Variants in NAV3 observed in about 807,000 individuals in gnomAD.
The protein encoded by NAV3 is neuron navigator 3.
Under a neutral mutation model 244.7 loss-of-function variants are expected in NAV3, and 87 were observed. That is an observed-to-expected ratio of 0.36 (90% CI 0.30 to 0.42). The LOEUF (loss-of-function observed/expected upper bound fraction) is 0.42, where lower values mean the gene tolerates loss of function less well. Ranked by LOEUF, NAV3 falls within the 20% of genes least tolerant of loss-of-function variation. NAV3 has a pLI of 1.00. For synonymous variants in NAV3, 1,126 were observed against 1,042.2 expected, an observed-to-expected ratio of 1.08 and a Z score of -1.55; for missense variants, 2,663 against 2,893.3, an observed-to-expected ratio of 0.92 and a Z score of 1.83.
chr12:77,584,728 C>T (rs943059915), intron 2 of NAV3, among the ~76,000 whole-genome samples: 11 of 152,122 alleles, frequency 7.2e-5, no homozygotes, highest in Non-Finnish European at 1.0e-4. Context: ...GAAGTGATGG[C>T]ATACTTAGGA....
chr12:78,205,054 T>C lies in NAV3; in HGVS notation c.6954T>C (p.Asp2318=). The C allele has an allele frequency of 1.9e-6, 3 of 1,613,528 alleles. No homozygotes were observed. The highest frequency in any genetic ancestry group is 2.5e-6 in the Non-Finnish European group (3 of 1,179,756). The change falls in exon 39 of 40, where the codon GAT becomes GAC. Residue 2318 remains aspartate (D), a synonymous_variant. Coordinates refer to ENST00000397909, the MANE Select transcript of NAV3 (RefSeq NM_001024383.2). The stretch of plus-strand genomic sequence containing the variant: ...CCTTACTTCAGCTGCGACCAGAAGA[T>C]GTTGGGTATGAAAGCTGCACATCCA... ...SPALLQLRPE[D]VGYESCTSTK...
chr12:77,623,992 T>G (rs866860810), intron 2 of NAV3, among the ~76,000 whole-genome samples: 1 of 152,192 alleles, frequency 6.6e-6, no homozygotes, highest in African/African-American at 2.4e-5. Context: ...TTGTGTGTCA[T>G]GCACTGCTCT....
chr12:77,684,528 G>C (rs1874626522), intron 2 of NAV3, among the ~76,000 whole-genome samples: 1 of 151,706 alleles, frequency 6.6e-6, no homozygotes, highest in Non-Finnish European at 1.5e-5. Context: ...TTACTGTGTT[G>C]CCCAGGCAGT....
chr12:77,819,223 A>G lies in NAV3; in HGVS notation c.73-121096A>G, dbSNP rs958714399. Among the ~76,000 whole-genome samples the G allele has an allele frequency of 9.9e-5, 15 of 152,110 alleles. 1 individual carries two copies. Among genetic ancestry groups the G allele is most frequent in the African/African-American group, 3.6e-4 (15 of 41,528 alleles). On this transcript the variant is annotated intron_variant, in intron 2 of 8. Transcript: ENST00000550042. Reference sequence around the variant, plus strand: ...TTACTGGGAACGTTTTATGAGAACAATAGGAACTTTATAAGATTTTTCACG... The same window carrying G: ...TTACTGGGAACGTTTTATGAGAACAGTAGGAACTTTATAAGATTTTTCACG...
intron 9 of NAV3, chr12:78,037,473 C>G: frequency 3.3e-6 from 2 of 601,944 alleles, no homozygotes; most frequent in Non-Finnish European, 3.0e-6. Flanking sequence ...TGCCAAATAG[C>G]TTTCATGTTT....
At chr12:77,597,591 T>C (rs1331278681) in intron 2 of NAV3, among the ~76,000 whole-genome samples, 1 of 152,160 alleles carries the variant, frequency 6.6e-6, no homozygotes, top group Admixed American at 6.6e-5. Flanking sequence ...AATAGACTTT[T>C]ATTCAAAATT....
intron 3 of NAV3, among the ~76,000 whole-genome samples, chr12:77,960,168 A>C (rs1426542205): frequency 6.6e-6 from 1 of 152,034 alleles, no homozygotes; most frequent in East Asian, 1.9e-4. Flanking sequence ...GGAGAGGCTT[A>C]GGATGCCATA....
rs560550527 is a variant in NAV3 at position 77,640,254 on chromosome 12, A to G, written c.72+67988A>G. ...AGACATACAGCAGAGAGAGAGAGGG[A>G]GAGAGAGAGTGTGTGTAAGTTGTGG... On this transcript the variant is annotated intron_variant, in intron 2 of 8. Transcript: ENST00000550042. Among the ~76,000 whole-genome samples, 52 of 152,252 alleles carry G rather than the reference A, an allele frequency of 3.4e-4. No homozygotes were observed. In the South Asian group the frequency reaches 0.011, roughly 31 times the overall value.
chr12:77,748,692 C>T (rs1254994311), intron 2 of NAV3, among the ~76,000 whole-genome samples: 1 of 152,070 alleles, frequency 6.6e-6, no homozygotes, highest in Non-Finnish European at 1.5e-5. Context: ...AAGAGTCCAA[C>T]TTAAAGAGTA....
At chr12:77,815,095 G>A (rs1407581174) in intron 2 of NAV3, among the ~76,000 whole-genome samples, 1 of 152,198 alleles carries the variant, frequency 6.6e-6, no homozygotes, top group African/African-American at 2.4e-5. Flanking sequence ...TTGAATTTTA[G>A]TTCTGGCTCT....
intron 12 of NAV3, among the ~76,000 whole-genome samples, chr12:78,105,716 T>TA (rs541522460): frequency 9.9e-5 from 15 of 151,686 alleles, no homozygotes; most frequent in African/African-American, 2.2e-4. Flanking sequence ...TTGCAAAATG[T>TA]AAAAAAAACA....
At chr12:77,931,001 T>G (rs1198062938) in intron 1 of NAV3, among the ~76,000 whole-genome samples, 2 of 152,142 alleles carry the variant, frequency 1.3e-5, no homozygotes, top group African/African-American at 4.8e-5. Flanking sequence ...AGAATATTCT[T>G]TTTATCCCTG....
chr12:78,041,396 C>A (rs1190972305), intron 9 of NAV3, among the ~76,000 whole-genome samples: 3 of 152,078 alleles, frequency 2.0e-5, no homozygotes, highest in African/African-American at 7.2e-5. Context: ...GAATAATGAA[C>A]AAAGTAGTAA....
At chr12:78,053,539 T>C (rs1883072622) in intron 11 of NAV3, among the ~76,000 whole-genome samples, 1 of 152,128 alleles carries the variant, frequency 6.6e-6, no homozygotes, top group African/African-American at 2.4e-5. Context: ...GCACTATAAC[T>C]AAGGCCGGAA....
chr12:78,006,373 C>A (rs756139811), intron 7 of NAV3, 46 bp from the exon 8 acceptor site: 1 of 1,539,542 alleles, frequency 6.5e-7, no homozygotes, highest in South Asian at 1.2e-5. Flanking sequence ...TATAAATGAT[C>A]AAGATTAATC....
At chr12:77,631,178 T>C (rs953155128) in intron 2 of NAV3, among the ~76,000 whole-genome samples, 3 of 152,172 alleles carry the variant, frequency 2.0e-5, no homozygotes, top group African/African-American at 7.2e-5. Context: ...GACATAACTA[T>C]TGGTGAAGCT....
intron 24 of NAV3, among the ~76,000 whole-genome samples, chr12:78,171,054 A>G (rs1957979664): frequency 6.6e-6 from 1 of 151,780 alleles, no homozygotes; most frequent in Non-Finnish European, 1.5e-5. Context: ...TAAAAGAAGA[A>G]TAAAGTAATT....
chr12:77,829,982 TAC>T (rs1380243787), upstream of NAV3, among the ~76,000 whole-genome samples: 2 of 152,336 alleles, frequency 1.3e-5, no homozygotes, highest in South Asian at 4.1e-4. Context: ...GTTGCATTAT[TAC>T]TAATTTTTAT....
chr12:77,665,944 C>T (rs74705286), intron 2 of NAV3, among the ~76,000 whole-genome samples: 15 of 152,112 alleles, frequency 9.9e-5, no homozygotes, highest in South Asian at 6.2e-4. Context: ...TTACACATTT[C>T]GCTTTAATTC....
Sources: gnomAD v4.1 joint callset for allele counts (sites outside exome capture counted in the v4.1 genomes callset) on GRCh38, gnomAD v4.1.1 for gene constraint, MANE v1.5 for transcripts, NCBI Gene and HGNC (gene_info 2026-07-23, HGNC 2026-07-21) for gene names.